Variants in TERT observed in about 807,000 individuals in gnomAD.
TERT encodes telomerase catalytic subunit.
A neutral mutation model predicts 104.0 loss-of-function variants in TERT; 42 were observed. The ratio of observed to expected loss-of-function variants is 0.40; its 90% CI spans 0.32 to 0.52. The LOEUF (loss-of-function observed/expected upper bound fraction) is 0.52, where lower values mean the gene tolerates loss of function less well. Ranked by LOEUF, TERT falls within the 20% of genes least tolerant of loss-of-function variation. The pLI, the probability that TERT is intolerant of heterozygous loss-of-function variation, is 0.43. For synonymous variants in TERT, 781 were observed against 725.6 expected (o/e 1.08, Z -1.23); for missense variants, 1,101 against 1,610.3 (o/e 0.68, Z 5.41).
chr5:1,267,687 A>C (rs1210497170), intron 9 of TERT, among the ~76,000 whole-genome samples: 1 of 152,220 alleles, frequency 6.6e-6, no homozygotes, highest in Non-Finnish European at 1.5e-5. Flanking sequence ...CTTTGTAGGG[A>C]CATGGACGAA....
At chr5:1,258,994 G>T (rs1478100706) in intron 12 of TERT, among the ~76,000 whole-genome samples, 3 of 150,768 alleles carry the variant, frequency 2.0e-5, no homozygotes, top group African/African-American at 4.9e-5. Flanking sequence ...ACAGGAGAGA[G>T]GGAGTGGAGT....
intron 14 of TERT, 77 bp from the exon 15 acceptor site, chr5:1,254,582 A>G: frequency 6.6e-7 from 1 of 1,515,640 alleles, no homozygotes; most frequent in East Asian, 2.5e-5. Context: ...AGCTGCCCAC[A>G]CCCGACGGTC....
Position 1,261,187 on chromosome 5 carries a change from C to T in TERT, c.2844-587G>A, listed in dbSNP as rs1469240783. Among the ~76,000 whole-genome samples, 1 of 152,246 alleles carries T rather than the reference C, an allele frequency of 6.6e-6. No individual in the cohort carries two copies. The highest frequency in any genetic ancestry group is 6.5e-5 in the Admixed American group (1 of 15,288). ...ATGTATGTCCATGTCCAAAGATGAA[C>T]ACACATGACATCCACGGCAGGCTCC... On this transcript the variant is annotated intron_variant, in intron 11 of 15. Coordinates refer to ENST00000310581, the MANE Select transcript of TERT (RefSeq NM_198253.3). The surrounding 1 kb of genome is among the most constrained non-coding windows in gnomAD (Gnocchi z 7.4).
At position 1,270,182 on chromosome 5, in the gene TERT, T is replaced by C. The variant is rs1748920317; in HGVS notation, c.2468+937A>G. ...TGTTTTTCCAGAACGTGTGTACTAC[T>C]TAATATTTCTAATTATACTTTAATA... On this transcript the variant is annotated intron_variant, in intron 8 of 15. Transcript: ENST00000310581. This position sits in a 1 kb window ranked among gnomAD's most constrained non-coding sequence, Gnocchi z 8.3. Among the ~76,000 whole-genome samples the C allele has an allele frequency of 6.6e-6, 1 of 152,256 alleles. No individual in the cohort carries two copies. Among genetic ancestry groups the C allele is most frequent in the Admixed American group, 6.5e-5 (1 of 15,286 alleles).
chr5:1,253,984 G>A (rs556531019), intron 15 of TERT, among the ~76,000 whole-genome samples, 153 bp from the exon 16 acceptor site: 5 of 152,362 alleles, frequency 3.3e-5, no homozygotes, highest in South Asian at 4.1e-4. Flanking sequence ...CCCCTCCACC[G>A]GGGCGAGCAG....
At chr5:1,285,059 G>A (rs1750387410) in intron 2 of TERT, among the ~76,000 whole-genome samples, 1 of 100,160 alleles carries the variant, frequency 1.0e-5, no homozygotes, top group Non-Finnish European at 2.2e-5. Context: ...CCGAGGGCCT[G>A]GAGACCTCAC....
At chr5:1,289,155 G>T (rs1561209960) in intron 2 of TERT, among the ~76,000 whole-genome samples, 1 of 151,226 alleles carries the variant, frequency 6.6e-6, no homozygotes. Context: ...ACCTGAGAGG[G>T]ACACCCGGGG....
intron 3 of TERT, 80 bp from the exon 4 acceptor site, chr5:1,280,418 C>T (rs1749944431): frequency 3.3e-6 from 5 of 1,506,652 alleles, no homozygotes; most frequent in Non-Finnish European, 4.5e-6. Flanking sequence ...CACAAGCCCC[C>T]ACCGACTCAG....
Position 1,265,197 on chromosome 5 carries a change from T to A in TERT, c.2655-605A>T, listed in dbSNP as rs1306703542. ...GCTCACCCAGCTCAGGGAGCCCCCC[T>A]GTGCCCGGTAGCCTCTGCTCTGGCC... On this transcript the variant is annotated intron_variant, in intron 10 of 15. Coordinates refer to ENST00000310581, the MANE Select transcript of TERT (RefSeq NM_198253.3). The surrounding 1 kb of genome is among the most constrained non-coding windows in gnomAD (Gnocchi z 6.9). Among the ~76,000 whole-genome samples, 1 of 152,148 alleles carries A rather than the reference T, an allele frequency of 6.6e-6. No individual in the cohort carries two copies. Among genetic ancestry groups the A allele is most frequent in the Non-Finnish European group, 1.5e-5 (1 of 67,990 alleles).
rs186006477 is a variant in TERT, at chr5:1,269,565, C to A, written c.2469-932G>T. Among the ~76,000 whole-genome samples the A allele has an allele frequency of 6.6e-6, 1 of 151,278 alleles. No individual in the cohort carries two copies. Among genetic ancestry groups the A allele is most frequent in the Non-Finnish European group, 1.5e-5 (1 of 67,860 alleles). ...GGCGGAGGTTGCAGTGAGTTGAGATCGCGCCACTGCACTCAAGCCCAGGCA... is the reference window on the plus strand; with the variant it reads ...GGCGGAGGTTGCAGTGAGTTGAGATAGCGCCACTGCACTCAAGCCCAGGCA... On this transcript the variant is annotated intron_variant, in intron 8 of 15. Transcript: ENST00000310581. This position sits in a 1 kb window ranked among gnomAD's most constrained non-coding sequence, Gnocchi z 9.0.
rs762204084 is a variant in TERT, at chr5:1,287,508, A to AATAT, written c.1574-4888_1574-4885dup. On this transcript the variant is annotated intron_variant, in intron 2 of 15. Transcript: ENST00000310581. This position sits in a 1 kb window ranked among gnomAD's most constrained non-coding sequence, Gnocchi z 4.3. ...CCAAGACTCTGTCTCAAAAAAAAAAAATATATATATATATATATAAATTAA... is the reference window on the plus strand; with the variant it reads ...CCAAGACTCTGTCTCAAAAAAAAAAAATATATATATATATATATATATAAATTAA... Among the ~76,000 whole-genome samples the AATAT allele has an allele frequency of 2.3e-4, 33 of 140,718 alleles. No individual in the cohort carries two copies. The highest frequency in any genetic ancestry group is 3.3e-4 in the African/African-American group (12 of 36,886). 92.3% of individuals were successfully genotyped at this position (140,718 alleles called of 152,430 possible). A position where few individuals can be genotyped will look rare whatever the true frequency, so the allele number is the denominator to read the frequency against.
In TERT at chr5:1,295,031, G is replaced by A. The variant is rs2126693536; in HGVS notation, c.-42C>T. ...GCCAGGGCTTCCCACGTGCGCAGCA[G>A]GACGCAGCGCTGCCTGAAACTCGCG... On this transcript the variant is annotated 5_prime_UTR_variant, in exon 1 of 16. Coordinates refer to ENST00000310581, the MANE Select transcript of TERT (RefSeq NM_198253.3). 8.1e-7 allele frequency: 1 copy of A among 1,240,464 alleles called. No individual in the cohort carries two copies. Among genetic ancestry groups the A allele is most frequent in the South Asian group, 2.8e-5 (1 of 35,122 alleles). 76.8% of individuals were successfully genotyped at this position (1,240,464 alleles called of 1,614,324 possible).
rs187573977 is a variant in TERT at position 1,286,387 on chromosome 5, C to T, written c.1574-3763G>A. Among the ~76,000 whole-genome samples, 2 of 152,144 alleles carry T rather than the reference C, an allele frequency of 1.3e-5. No individual in the cohort carries two copies. The highest frequency in any genetic ancestry group is 2.9e-5 in the Non-Finnish European group (2 of 67,996). On this transcript the variant is annotated intron_variant, in intron 2 of 15. Coordinates refer to ENST00000310581, the MANE Select transcript of TERT (RefSeq NM_198253.3). The surrounding 1 kb of genome is among the most constrained non-coding windows in gnomAD (Gnocchi z 5.3). ...GGGGAACAAAGGAGGAAAAGCAGGG[C>T]GGGGGCAAAGCTACAGAAACACTCA...
At chr5:1,284,264 A>T (rs1750298097) in intron 2 of TERT, among the ~76,000 whole-genome samples, 1 of 79,596 alleles carries the variant, frequency 1.3e-5, no homozygotes. Context: ...GGGCCTGGCG[A>T]CCACACCCCA....
chr5:1,291,189 C>G (rs1353874858), intron 2 of TERT, among the ~76,000 whole-genome samples: 2 of 103,082 alleles, frequency 1.9e-5, no homozygotes, highest in Admixed American at 9.5e-5. Flanking sequence ...GGGACGGTGC[C>G]TCACTCACCC....
chr5:1,280,151 C>T lies in TERT; in HGVS notation c.1950+7G>A, dbSNP rs756378220. On this transcript the variant is annotated splice_region_variant and intron_variant, in intron 4 of 15. Transcript: ENST00000310581. ...TTAAAAAGGAAGTTAAACCAAAGCA[C>T]AGCCACCCTCTTTTCTCTGCGGAAC... 17 of 1,613,880 alleles carry T rather than the reference C, an allele frequency of 1.1e-5. No homozygotes were observed. In the South Asian group the frequency reaches 1.5e-4, roughly 15 times the overall value.
At chr5:1,267,088 C>T (rs917828080) in intron 9 of TERT, among the ~76,000 whole-genome samples, 2 of 152,224 alleles carry the variant, frequency 1.3e-5, no homozygotes, top group African/African-American at 2.4e-5. Flanking sequence ...CCTCCAAATC[C>T]CAGAGCAAGT....
intron 6 of TERT, 132 bp from the exon 7 acceptor site, chr5:1,272,412 T>C: frequency 2.3e-6 from 2 of 870,342 alleles, no homozygotes; most frequent in Non-Finnish European, 3.8e-6. Flanking sequence ...AGAGAGCGCC[T>C]GGGAAGCTTC....
At position 1,269,039 on chromosome 5, in the gene TERT, G is replaced by A. The variant is rs536076785; in HGVS notation, c.2469-406C>T. Among the ~76,000 whole-genome samples the A allele has an allele frequency of 5.3e-5, 8 of 151,512 alleles. No individual in the cohort carries two copies. The highest frequency in any genetic ancestry group is 8.8e-5 in the Non-Finnish European group (6 of 67,948). ...TCATGACCCTACATGTAGCCGCTGCGCGCCAACGGATACAACCTTGCCCCT... is the reference window on the plus strand; with the variant it reads ...TCATGACCCTACATGTAGCCGCTGCACGCCAACGGATACAACCTTGCCCCT... On this transcript the variant is annotated intron_variant, in intron 8 of 15. Transcript: ENST00000310581. This position sits in a 1 kb window ranked among gnomAD's most constrained non-coding sequence, Gnocchi z 9.0.
Sources: gnomAD v4.1 joint callset for allele counts (sites outside exome capture counted in the v4.1 genomes callset) on GRCh38, gnomAD v4.1.1 for gene constraint, Gnocchi (gnomAD v3.1) non-coding constraint, MANE v1.5 for transcripts, NCBI Gene and HGNC (gene_info 2026-07-23, HGNC 2026-07-21) for gene names.